AFG2A: variants seen among roughly 807,000 people sequenced by gnomAD.
AFG2A encodes ATPase family gene 2 protein homolog A.
chr4:123,117,458 G>A, the AFG2A span, among the ~76,000 whole-genome samples: 3 of 148,378 alleles, frequency 2.0e-5, no homozygotes, highest in African/African-American at 7.5e-5. Flanking sequence ...TACCCATTAT[G>A]GAACCATAAT....
the AFG2A span, among the ~76,000 whole-genome samples, chr4:123,062,214 C>G: frequency 1.3e-5 from 2 of 152,142 alleles, no homozygotes; most frequent in African/African-American, 2.4e-5. Context: ...TCATGTGTTA[C>G]TTAATGAAGG....
chr4:122,991,213 G>T, the AFG2A span, among the ~76,000 whole-genome samples: 6 of 152,120 alleles, frequency 3.9e-5, no homozygotes, highest in African/African-American at 1.4e-4. Context: ...ATCAGTTTTT[G>T]CAGGCTTTAA....
the AFG2A span, among the ~76,000 whole-genome samples, chr4:123,261,056 C>T: frequency 1.4e-4 from 22 of 152,252 alleles, no homozygotes; most frequent in East Asian, 1.2e-3. Context: ...GAGAATCTAA[C>T]GCCTGAGAAC....
At chr4:123,186,906 T>C in the AFG2A span, among the ~76,000 whole-genome samples, 2 of 152,264 alleles carry the variant, frequency 1.3e-5, no homozygotes, top group South Asian at 4.1e-4. Context: ...TGCAAAGCTC[T>C]AATGAATGCC....
the AFG2A span, among the ~76,000 whole-genome samples, chr4:123,037,224 C>T: frequency 3.3e-5 from 5 of 151,878 alleles, no homozygotes; most frequent in African/African-American, 9.7e-5. Flanking sequence ...ATGTTATACT[C>T]GAGTTTGTGA....
At chr4:122,979,219 C>T in the AFG2A span, 12 of 1,609,992 alleles carry the variant, frequency 7.5e-6, no homozygotes, top group African/African-American at 1.3e-5. Flanking sequence ...GTGTTACTTT[C>T]CTCTCTTTAT....
the AFG2A span, among the ~76,000 whole-genome samples, chr4:123,167,254 A>G: frequency 1.3e-5 from 2 of 149,348 alleles, no homozygotes; most frequent in Non-Finnish European, 3.0e-5. Context: ...TAATATACTT[A>G]TATGTAGGTA....
At chr4:123,113,739 C>T in the AFG2A span, among the ~76,000 whole-genome samples, 5,857 of 152,214 alleles carry the variant, frequency 0.038, 233 homozygotes, top group African/African-American at 0.1. Context: ...TGGCCAGTGG[C>T]GCCTTTGCCT....
At chr4:123,210,279 G>A in the AFG2A span, among the ~76,000 whole-genome samples, 1 of 152,044 alleles carries the variant, frequency 6.6e-6, no homozygotes, top group Non-Finnish European at 1.5e-5. Flanking sequence ...ATTGTTAACT[G>A]TAGTCATCAT....
At chr4:123,314,035 CAAGAG>C in the AFG2A span, 1 of 1,609,072 alleles carries the variant, frequency 6.2e-7, no homozygotes, top group Non-Finnish European at 8.5e-7. Flanking sequence ...TGAAGATTAT[CAAGAG>C]AAGAGTGGGC....
At chr4:123,017,192 G>A in the AFG2A span, among the ~76,000 whole-genome samples, 29 of 91,306 alleles carry the variant, frequency 3.2e-4, 1 homozygote, top group African/African-American at 1.5e-3. Context: ...AGAGGGAAAG[G>A]GAGAGGGAGA....
chr4:123,176,361 T>C, the AFG2A span, among the ~76,000 whole-genome samples: 3 of 152,210 alleles, frequency 2.0e-5, no homozygotes, highest in African/African-American at 7.2e-5. Context: ...ATAAAGGCCA[T>C]GCTAGTAATA....
chr4:123,204,413 G>T, the AFG2A span, among the ~76,000 whole-genome samples: 3 of 152,144 alleles, frequency 2.0e-5, no homozygotes, highest in African/African-American at 4.8e-5. Context: ...TAGGTATGTA[G>T]TGATACCTCA....
the AFG2A span, among the ~76,000 whole-genome samples, chr4:123,247,143 T>C: frequency 6.6e-6 from 1 of 152,106 alleles, no homozygotes; most frequent in African/African-American, 2.4e-5. Flanking sequence ...CTTTCCCCCG[T>C]AAATTATATT....
At chr4:123,202,775 G>A in the AFG2A span, among the ~76,000 whole-genome samples, 39 of 152,218 alleles carry the variant, frequency 2.6e-4, no homozygotes, top group African/African-American at 8.4e-4. Flanking sequence ...ACTCTCTTGC[G>A]TACTCCTTTA....
chr4:122,925,811 CTG>C, the AFG2A span, among the ~76,000 whole-genome samples: 2 of 152,206 alleles, frequency 1.3e-5, no homozygotes, highest in Non-Finnish European at 2.9e-5. Flanking sequence ...GCTATAAACT[CTG>C]TGAGACCAAG....
the AFG2A span, among the ~76,000 whole-genome samples, chr4:122,950,373 CTTG>C: frequency 1.4e-5 from 2 of 146,236 alleles, no homozygotes; most frequent in Non-Finnish European, 3.0e-5. Flanking sequence ...GAGTTTCGCT[CTTG>C]TTGCCCAGAC....
the AFG2A span, among the ~76,000 whole-genome samples, chr4:123,156,716 T>C: frequency 6.6e-6 from 1 of 150,438 alleles, no homozygotes; most frequent in South Asian, 2.1e-4. Context: ...GTAAAACTTC[T>C]GCCCTCCAAA....
chr4:123,270,204 A>G, the AFG2A span, among the ~76,000 whole-genome samples: 1 of 152,338 alleles, frequency 6.6e-6, no homozygotes, highest in Non-Finnish European at 1.5e-5. Context: ...ACAGACTAAC[A>G]ATACTACAGG....
Sources: allele counts gnomAD v4.1 joint callset (sites outside exome capture counted in the v4.1 genomes callset), GRCh38; gene constraint gnomAD v4.1.1; transcripts MANE v1.5; gene names NCBI Gene and HGNC (gene_info 2026-07-23, HGNC 2026-07-21).